The following NTSR2 variants were observed in gnomAD, a reference collection of about 807,000 sequenced individuals.
NTSR2 encodes the protein neurotensin receptor type 2.
Under a neutral mutation model 24.1 loss-of-function variants are expected in NTSR2, and 22 were observed. That is an observed-to-expected ratio of 0.91 (90% CI 0.65 to 1.30). NTSR2 has a LOEUF of 1.30. Among genes scored for constraint, NTSR2 ranks in the 50% most tolerant of loss-of-function variants. NTSR2 has a pLI of 0.00. For synonymous variants in NTSR2, 291 were observed against 267.0 expected (o/e 1.09, Z -0.88); for missense variants, 570 against 570.4 (o/e 1.00, Z 0.01).
intron 1 of NTSR2, 94 bp from the exon 2 acceptor site, chr2:11,662,334 G>T: frequency 8.1e-7 from 1 of 1,232,574 alleles, no homozygotes; most frequent in Non-Finnish European, 1.1e-6. Flanking sequence ...TGCATCAGCA[G>T]AAGGAGCGGC....
chr2:11,663,547 C>T (rs887750625), intron 1 of NTSR2, among the ~76,000 whole-genome samples: 2 of 152,166 alleles, frequency 1.3e-5, no homozygotes, highest in African/African-American at 4.8e-5. Flanking sequence ...AAAGGCCATA[C>T]ATTATTAACC....
Position 11,670,068 on chromosome 2 carries a change from G to A in NTSR2, c.62C>T (p.Ala21Val). 1 of 1,464,326 alleles carries A rather than the reference G, an allele frequency of 6.8e-7. No individual in the cohort carries two copies. Among genetic ancestry groups the A allele is most frequent in the Non-Finnish European group, 9.0e-7 (1 of 1,115,492 alleles). 90.7% of individuals were successfully genotyped at this position (1,464,326 alleles called of 1,614,324 possible). The change falls in exon 1 of 4, where the codon GCC becomes GTC. Residue 21 changes from alanine to valine, a missense_variant. By Grantham distance (64) the Ala-to-Val change is moderately conservative. Coordinates refer to ENST00000306928, the MANE Select transcript of NTSR2 (RefSeq NM_012344.4). ...GAGGCGAGTGTCCACGCCCAGCCGGGCGTCCAGGCTCAGCCCCGGGTTGGA... is the reference window on the plus strand; with the variant it reads ...GAGGCGAGTGTCCACGCCCAGCCGGACGTCCAGGCTCAGCCCCGGGTTGGA... ...PSSNPGLSLD[A>V]RLGVDTRLWA...
intron 2 of NTSR2, among the ~76,000 whole-genome samples, chr2:11,661,089 C>A (rs1401811396): frequency 1.3e-5 from 2 of 152,216 alleles, no homozygotes; most frequent in Non-Finnish European, 2.9e-5. Context: ...CCTGGACCAG[C>A]AGTGTCAACA....
chr2:11,669,460 G>GGGGGGGGGGGCGCCCCCCCCCCCCC, intron 1 of NTSR2, 46 bp downstream of exon 1: 1 of 254,726 alleles, frequency 3.9e-6, no homozygotes, highest in Non-Finnish European at 6.9e-6. Context: ...TCCCAGCACC[G>GGGGGGGGGGGCGCCCCCCCCCCCCC]CCCCCCCACC....
Sources: allele counts gnomAD v4.1 joint callset (sites outside exome capture counted in the v4.1 genomes callset), GRCh38; gene constraint gnomAD v4.1.1; transcripts MANE v1.5; gene names NCBI Gene and HGNC (gene_info 2026-07-23, HGNC 2026-07-21).